Variants in ARAP3 observed in about 807,000 individuals in gnomAD.
ARAP3 encodes the protein ArfGAP with RhoGAP domain, ankyrin repeat and PH domain 3, also known as arf-GAP with Rho-GAP domain, ANK repeat and PH domain-containing protein 3.
A neutral mutation model predicts 169.2 loss-of-function variants in ARAP3; 82 were observed. That is an observed-to-expected ratio of 0.48 (90% CI 0.41 to 0.58). The LOEUF is 0.58. Ranked by LOEUF, ARAP3 falls within the 20% of genes least tolerant of loss-of-function variation. ARAP3 has a pLI of 0.00. For synonymous variants in ARAP3, 791 were observed against 800.3 expected (o/e 0.99, Z 0.20); for missense variants, 1,764 against 2,018.0 (o/e 0.87, Z 2.41).
chr5:141,659,517 G>C (rs1227399871), intron 22 of ARAP3, 41 bp from the exon 23 acceptor site: 1 of 1,601,630 alleles, frequency 6.2e-7, no homozygotes, highest in Non-Finnish European at 8.6e-7. Context: ...TGCTGGAAGA[G>C]GATCTGCCGG....
chr5:141,679,691 G>A, intron 3 of ARAP3, 35 bp from the exon 4 acceptor site: 1 of 1,613,874 alleles, frequency 6.2e-7, no homozygotes, highest in Non-Finnish European at 8.5e-7. Flanking sequence ...CAAGGAAGAG[G>A]AGATCGCTGG....
intron 4 of ARAP3, among the ~76,000 whole-genome samples, chr5:141,675,288 CAA>C (rs1181910874): frequency 1.1e-4 from 16 of 152,180 alleles, no homozygotes; most frequent in African/African-American, 3.9e-4. Context: ...TTCTCAACCT[CAA>C]CAGCACAAAA....
intron 25 of ARAP3, 141 bp downstream of exon 25, chr5:141,658,224 G>A: frequency 1.3e-6 from 1 of 790,996 alleles, no homozygotes; most frequent in Non-Finnish European, 2.0e-6. Flanking sequence ...TGTGTTGAAT[G>A]TCCCCTCGCA....
intron 19 of ARAP3, among the ~76,000 whole-genome samples, chr5:141,663,960 T>C (rs966711534): frequency 1.3e-5 from 2 of 152,210 alleles, no homozygotes; most frequent in South Asian, 4.1e-4. Context: ...ACTTGCATTG[T>C]ATTAGGTATT....
At chr5:141,668,189 T>C (rs2099910929) in intron 16 of ARAP3, among the ~76,000 whole-genome samples, 1 of 151,804 alleles carries the variant, frequency 6.6e-6, no homozygotes, top group Non-Finnish European at 1.5e-5. Flanking sequence ...CACTGTAGGC[T>C]CAAACCTCCG....
chr5:141,663,773 T>C (rs78064735), intron 19 of ARAP3, among the ~76,000 whole-genome samples: 1,620 of 152,312 alleles, frequency 0.011, 32 homozygotes, highest in African/African-American at 0.038. Context: ...GTAACAATTA[T>C]GTGTATGTTT....
intron 4 of ARAP3, among the ~76,000 whole-genome samples, chr5:141,677,305 CT>C (rs994797581): frequency 6.6e-6 from 1 of 151,960 alleles, no homozygotes; most frequent in African/African-American, 2.4e-5. Flanking sequence ...TCCAGTATTG[CT>C]TTTTCTCATA....
rs762354097 is a variant in ARAP3, at chr5:141,656,801, T to G, written c.3572A>C (p.Gln1191Pro). The G allele has an allele frequency of 1.9e-6, 3 of 1,613,046 alleles. No homozygotes were observed. The Admixed American group carries it at 5.0e-5, about 27-fold the overall frequency. The change falls in exon 26 of 33, where the codon CAA (glutamine) becomes CCA (proline). Residue 1191 changes from glutamine (Q) to proline (P), a missense_variant. Gln to Pro is a moderately conservative substitution (Grantham distance 76). This residue lies in a region of ARAP3 where 1,112 missense variants were observed against 1,285.7 expected (regional missense o/e 0.86). Coordinates refer to ENST00000239440, the MANE Select transcript of ARAP3 (RefSeq NM_022481.6). ...PKEKVLEQAL[Q>P]WCQLPEPCSA... ...GCAGGGCTCTGGGAGCTGGCACCAT[T>G]GTAAAGCCTGCTCTAAGACCTTTTC...
At chr5:141,664,072 G>T (rs78589068) in intron 19 of ARAP3, among the ~76,000 whole-genome samples, 1 of 151,946 alleles carries the variant, frequency 6.6e-6, no homozygotes, top group Non-Finnish European at 1.5e-5. Flanking sequence ...GATTCTTTTC[G>T]GTCCTTATTT....
At chr5:141,677,094 C>A (rs2099912276) in intron 4 of ARAP3, among the ~76,000 whole-genome samples, 1 of 152,098 alleles carries the variant, frequency 6.6e-6, no homozygotes, top group Admixed American at 6.6e-5. Flanking sequence ...TTAAACTTTT[C>A]AGTAGCCACG....
chr5:141,660,006 G>A, intron 21 of ARAP3, 80 bp from the exon 22 acceptor site: 2 of 1,477,384 alleles, frequency 1.4e-6, no homozygotes, highest in Non-Finnish European at 1.8e-6. Flanking sequence ...GTATGCCTGG[G>A]CTAAGTGCTT....
In ARAP3 at chr5:141,673,815, G is replaced by A. The variant is rs775826367; in HGVS notation, c.699-7C>T. 1.1e-5 allele frequency: 18 copies of A among 1,613,598 alleles called. No individual in the cohort carries two copies. Among genetic ancestry groups the A allele is most frequent in the Non-Finnish European group, 1.5e-5 (18 of 1,179,964 alleles). The stretch of plus-strand genomic sequence containing the variant: ...CAGATCCTGTCTGCTGAGCCTTGTG[G>A]GGGCCAAGACAGGGAGGGACACACA... On this transcript the variant is annotated splice_polypyrimidine_tract_variant and splice_region_variant and intron_variant, in intron 4 of 32. Coordinates refer to ENST00000239440, the MANE Select transcript of ARAP3 (RefSeq NM_022481.6).
rs748132777 is a variant in ARAP3 at position 141,654,410 on chromosome 5, A to G, written c.4175T>C (p.Val1392Ala). ...FFPMKSSQGSVEEQEELEEPV... is the reference protein window; with the variant it reads ...FFPMKSSQGSAEEQEELEEPV... Reference sequence around the variant, plus strand: ...CTCCTCCAGCTCCTCTTGCTCCTCCACAGACCCCTGGGATGACTTCATTGG... The same window carrying G: ...CTCCTCCAGCTCCTCTTGCTCCTCCGCAGACCCCTGGGATGACTTCATTGG... Residue 1392 changes from valine (V) to alanine (A), a missense_variant, in exon 33 of 33, where the codon GTG becomes GCG. Val to Ala is a moderately conservative substitution (Grantham distance 64, BLOSUM62 0). This residue lies in a region of ARAP3 where 1,112 missense variants were observed against 1,285.7 expected (regional missense o/e 0.86). Coordinates refer to ENST00000239440, the MANE Select transcript of ARAP3 (RefSeq NM_022481.6). The G allele has an allele frequency of 1.9e-6, 3 of 1,603,562 alleles. No homozygotes were observed. Among genetic ancestry groups the G allele is most frequent in the Non-Finnish European group, 1.7e-6 (2 of 1,174,354 alleles).
rs1306988881 is a variant in ARAP3 at position 141,672,850 on chromosome 5, G to T, written c.1169C>A (p.Pro390His). Residue 390 changes from proline (P) to histidine (H), a missense_variant, in exon 8 of 33, where the codon CCC (proline) becomes CAC (histidine). Around this residue, in one of 3 missense-constraint regions of ARAP3, gnomAD observed 630 missense variants for 678.7 expected, o/e 0.93. Coordinates refer to ENST00000239440, the MANE Select transcript of ARAP3 (RefSeq NM_022481.6). The surrounding 1 kb of genome is among the most constrained non-coding windows in gnomAD (Gnocchi z 4.9). Reference protein sequence around the residue: ...EQRLLGHPRPPQPPRPLRTGM... With the variant: ...EQRLLGHPRPHQPPRPLRTGM... ...CGTGCGGAGGGGTCGGGGTGGTTGG[G>T]GGGGCCGGGGGTGGCCCAGGAGGCG... 12 of 1,607,098 alleles carry T rather than the reference G, an allele frequency of 7.5e-6. No homozygotes were observed. Among genetic ancestry groups the T allele is most frequent in the Non-Finnish European group, 1.0e-5 (12 of 1,176,636 alleles).
chr5:141,676,312 C>T (rs147691788), intron 4 of ARAP3, among the ~76,000 whole-genome samples: 1,637 of 152,306 alleles, frequency 0.011, 24 homozygotes, highest in Non-Finnish European at 0.018. Context: ...CACACCACTG[C>T]ACTCCAGCTT....
At chr5:141,677,067 G>A (rs1302085352) in intron 4 of ARAP3, among the ~76,000 whole-genome samples, 2 of 152,018 alleles carry the variant, frequency 1.3e-5, no homozygotes, top group African/African-American at 2.4e-5. Context: ...AAGTTAATGC[G>A]AACCAAGTAT....
chr5:141,656,947 A>T (rs2099909337), intron 25 of ARAP3, 101 bp from the exon 26 acceptor site: 1 of 1,448,400 alleles, frequency 6.9e-7, no homozygotes, highest in African/African-American at 1.4e-5. Flanking sequence ...ATCCAACCAC[A>T]GACATTTATT....
intron 14 of ARAP3, among the ~76,000 whole-genome samples, 181 bp from the exon 15 acceptor site, chr5:141,670,244 C>T (rs1486341675): frequency 1.3e-5 from 2 of 152,156 alleles, no homozygotes; most frequent in Non-Finnish European, 2.9e-5. Context: ...AACTGAGGCT[C>T]AGTTTCAGTA....
rs748536671 is a variant in ARAP3, at chr5:141,654,273, G to A, written c.4312C>T (p.Pro1438Ser). The A allele has an allele frequency of 4.3e-6, 7 of 1,614,004 alleles. No individual in the cohort carries two copies. In the African/African-American group the frequency reaches 6.7e-5, roughly 15 times the overall value. Residue 1438 changes from proline to serine, a missense_variant, in exon 33 of 33, where the codon CCC (proline) becomes TCC (serine). Pro to Ser is a moderately conservative substitution (Grantham distance 74). Transcript: ENST00000239440. ...TCCAATGACTTCTGGCTGGTGAGGG[G>A]GTTCTCTGGCTTCACTGTCCACTCC... is the stretch of plus-strand genomic sequence containing the variant. ...TREWTVKPEN[P>S]LTSQKSLDQP... is the part of the protein sequence containing the mutation.
Sources: allele counts gnomAD v4.1 joint callset (sites outside exome capture counted in the v4.1 genomes callset), GRCh38; gene constraint gnomAD v4.1.1; regional missense constraint gnomAD v4.1.1; non-coding constraint Gnocchi (gnomAD v3.1); transcripts MANE v1.5; gene names NCBI Gene and HGNC (gene_info 2026-07-23, HGNC 2026-07-21).